BMAL2: variants seen among roughly 807,000 people sequenced by gnomAD.
BMAL2 encodes basic helix-loop-helix ARNT-like protein 2.
At chr12:27,409,787 T>G in the BMAL2 span, among the ~76,000 whole-genome samples, 3 of 152,088 alleles carry the variant, frequency 2.0e-5, no homozygotes, top group East Asian at 3.9e-4. Context: ...CAAAAGAAAC[T>G]ACCATCAGAG....
chr12:27,374,998 A>G, the BMAL2 span, among the ~76,000 whole-genome samples: 1 of 152,238 alleles, frequency 6.6e-6, no homozygotes, highest in Non-Finnish European at 1.5e-5. Flanking sequence ...TGGAATATTT[A>G]TAAGCATCTA....
chr12:27,346,652 C>T, the BMAL2 span, among the ~76,000 whole-genome samples: 4 of 152,214 alleles, frequency 2.6e-5, no homozygotes, highest in African/African-American at 9.7e-5. Context: ...CTGAAGAAGA[C>T]ATTCTTTTCC....
At chr12:27,391,557 T>G in the BMAL2 span, among the ~76,000 whole-genome samples, 1 of 152,254 alleles carries the variant, frequency 6.6e-6, no homozygotes, top group Non-Finnish European at 1.5e-5. Context: ...GTATACCCAG[T>G]AATGGGACTC....
At chr12:27,334,175 G>A in the BMAL2 span, among the ~76,000 whole-genome samples, 6 of 152,184 alleles carry the variant, frequency 3.9e-5, no homozygotes, top group Non-Finnish European at 8.8e-5. Context: ...GTAGTCTTAG[G>A]TAAACCCTTT....
At chr12:27,420,932 T>G in the BMAL2 span, 1 of 157,588 alleles carries the variant, frequency 6.3e-6, no homozygotes, top group Non-Finnish European at 1.4e-5. Flanking sequence ...TTTGTATAAT[T>G]TGGAACATTT....
chr12:27,409,883 C>T, the BMAL2 span, among the ~76,000 whole-genome samples: 1 of 152,018 alleles, frequency 6.6e-6, no homozygotes, highest in African/African-American at 2.4e-5. Flanking sequence ...ACAATGAACT[C>T]CAACAAATTT....
At chr12:27,333,091 G>A in the BMAL2 span, 18 of 1,206,002 alleles carry the variant, frequency 1.5e-5, no homozygotes, top group Admixed American at 8.8e-5. Flanking sequence ...GGAAGAGGAG[G>A]CTGCGGCGGG....
the BMAL2 span, among the ~76,000 whole-genome samples, chr12:27,345,924 C>G: frequency 6.6e-6 from 1 of 152,070 alleles, no homozygotes; most frequent in Non-Finnish European, 1.5e-5. Context: ...AAGAGCAAGA[C>G]TAGTTTATTT....
At chr12:27,397,046 TTTTGTTTG>T in the BMAL2 span, among the ~76,000 whole-genome samples, 108 of 151,814 alleles carry the variant, frequency 7.1e-4, no homozygotes, top group South Asian at 0.014. Flanking sequence ...TTCACTGTGG[TTTTGTTTG>T]TTTGTTTGTT....
At chr12:27,389,816 A>T in the BMAL2 span, 29 of 263,488 alleles carry the variant, frequency 1.1e-4, no homozygotes, top group South Asian at 2.4e-4. Context: ...TTTTAATTTA[A>T]TTTTTATTTC....
the BMAL2 span, among the ~76,000 whole-genome samples, chr12:27,414,217 A>G: frequency 1.3e-5 from 2 of 152,236 alleles, no homozygotes; most frequent in Admixed American, 1.3e-4. Flanking sequence ...GGACAAATAT[A>G]CAGCAATACA....
the BMAL2 span, among the ~76,000 whole-genome samples, chr12:27,342,113 T>G: frequency 1.3e-5 from 2 of 152,122 alleles, no homozygotes; most frequent in African/African-American, 2.4e-5. Context: ...ATTTTGTATT[T>G]TTTTAGTAGA....
chr12:27,372,981 T>C, the BMAL2 span, among the ~76,000 whole-genome samples: 2 of 152,176 alleles, frequency 1.3e-5, no homozygotes, highest in Non-Finnish European at 2.9e-5. Flanking sequence ...CCAATACTTA[T>C]TATTTTCAAT....
At chr12:27,332,902 C>T in the BMAL2 span, 9 of 262,628 alleles carry the variant, frequency 3.4e-5, no homozygotes, top group East Asian at 1.2e-4. Flanking sequence ...TGCGGGGCGG[C>T]GTCCCGTGCG....
the BMAL2 span, among the ~76,000 whole-genome samples, chr12:27,343,403 A>G: frequency 6.6e-6 from 1 of 152,186 alleles, no homozygotes; most frequent in Admixed American, 6.5e-5. Flanking sequence ...TCTTGTTGCT[A>G]CTTGAGTTGT....
At chr12:27,403,504 G>A in the BMAL2 span, 1 of 1,608,336 alleles carries the variant, frequency 6.2e-7, no homozygotes, top group African/African-American at 1.3e-5. Flanking sequence ...TGGTAGTATT[G>A]GAACAGATAT....
the BMAL2 span, among the ~76,000 whole-genome samples, chr12:27,372,047 G>T: frequency 6.6e-6 from 1 of 152,150 alleles, no homozygotes; most frequent in Non-Finnish European, 1.5e-5. Flanking sequence ...TGGGCAACAT[G>T]GTGAAACCCC....
the BMAL2 span, among the ~76,000 whole-genome samples, chr12:27,416,486 A>C: frequency 6.6e-6 from 1 of 152,230 alleles, no homozygotes; most frequent in African/African-American, 2.4e-5. Context: ...TTTGAAATGC[A>C]TTATTGTATA....
chr12:27,368,133 G>A, the BMAL2 span: 1 of 1,123,634 alleles, frequency 8.9e-7, no homozygotes, highest in Non-Finnish European at 1.2e-6. Flanking sequence ...ATGAGCCACA[G>A]CGCCTGGCCT....
Sources: gnomAD v4.1 joint callset for allele counts (sites outside exome capture counted in the v4.1 genomes callset) on GRCh38, gnomAD v4.1.1 for gene constraint, MANE v1.5 for transcripts, NCBI Gene and HGNC (gene_info 2026-07-23, HGNC 2026-07-21) for gene names.